Variants in ERC2 observed in about 807,000 individuals in gnomAD.
ERC2 encodes ELKS/RAB6-interacting/CAST family member 2, also known as ERC protein 2.
In ERC2, 42 loss-of-function variants were observed where a neutral mutation model predicts 114.8. The observed-to-expected ratio is 0.37, with a 90% CI of 0.29 to 0.47. The LOEUF is 0.47. ERC2 is among the 20% of genes least tolerant of loss of function. The pLI is 0.99. For synonymous variants in ERC2, 454 were observed against 425.5 expected, an observed-to-expected ratio of 1.07 and a Z score of -0.82; for missense variants, 939 against 1,150.7, an observed-to-expected ratio of 0.82 and a Z score of 2.66.
chr3:55,831,063 T>C (rs1465366809), intron 14 of ERC2, among the ~76,000 whole-genome samples: 1 of 151,152 alleles, frequency 6.6e-6, no homozygotes, highest in Non-Finnish European at 1.5e-5. Context: ...TCCCAGTACT[T>C]TGGGAGGCCA....
intron 12 of ERC2, 127 bp from the exon 13 acceptor site, chr3:55,950,687 G>C: frequency 9.8e-7 from 1 of 1,022,522 alleles, no homozygotes; most frequent in Non-Finnish European, 1.4e-6. Context: ...TGATACTTCT[G>C]AATAATCCAT....
intron 5 of ERC2, among the ~76,000 whole-genome samples, chr3:56,141,285 C>A (rs188847821): frequency 1.5e-4 from 23 of 152,298 alleles, no homozygotes; most frequent in African/African-American, 5.5e-4. Context: ...TCTTCTTGAA[C>A]CTGGGCTGGA....
chr3:56,002,007 G>T (rs908947838), intron 10 of ERC2, among the ~76,000 whole-genome samples: 1 of 152,120 alleles, frequency 6.6e-6, no homozygotes, highest in Non-Finnish European at 1.5e-5. Context: ...TAAGGGAAAA[G>T]AAACTTAAGC....
intron 14 of ERC2, among the ~76,000 whole-genome samples, chr3:55,878,554 C>T (rs775118843): frequency 3.3e-5 from 5 of 152,198 alleles, no homozygotes; most frequent in Non-Finnish European, 7.3e-5. Flanking sequence ...CATTGGAAGA[C>T]TGCACTCAAT....
At chr3:55,684,926 C>A (rs1162160111) in intron 16 of ERC2, among the ~76,000 whole-genome samples, 2 of 152,088 alleles carry the variant, frequency 1.3e-5, no homozygotes, top group African/African-American at 4.8e-5. Flanking sequence ...AAAAAAATAA[C>A]CTGGAACATT....
intron 17 of ERC2, among the ~76,000 whole-genome samples, chr3:55,520,433 C>CAA (rs35883947): frequency 0.49 from 53,848 of 109,174 alleles, 13,289 homozygotes; most frequent in African/African-American, 0.58. Flanking sequence ...GACTCTGTCT[C>CAA]AAAAAAAAAA....
At chr3:56,288,788 T>C (rs1272145799) in intron 3 of ERC2, among the ~76,000 whole-genome samples, 1 of 152,164 alleles carries the variant, frequency 6.6e-6, no homozygotes, top group African/African-American at 2.4e-5. Context: ...AAAGGGAATT[T>C]GTCTCAAACT....
chr3:56,334,198 G>C (rs180674549), intron 2 of ERC2, among the ~76,000 whole-genome samples: 1 of 152,300 alleles, frequency 6.6e-6, no homozygotes, highest in African/African-American at 2.4e-5. Context: ...GTACAAGAAG[G>C]TGCCTGGAGC....
intron 3 of ERC2, among the ~76,000 whole-genome samples, chr3:56,230,402 G>A (rs186794918): frequency 2.0e-5 from 3 of 152,244 alleles, no homozygotes; most frequent in African/African-American, 7.2e-5. Flanking sequence ...CTGCATCCAT[G>A]TATCACCCAT....
chr3:56,033,046 A>AAGAAAAAAGAAAC (rs2074561028), intron 7 of ERC2, among the ~76,000 whole-genome samples: 1 of 95,188 alleles, frequency 1.1e-5, no homozygotes, highest in African/African-American at 3.1e-5. Context: ...GAAAGAAAGA[A>AAGAAAAAAGAAAC]AGAAAGAAAG....
Position 56,435,015 on chromosome 3 carries a change from G to C in ERC2, c.-8C>G. The C allele has an allele frequency of 6.3e-7, 1 of 1,594,818 alleles. No homozygotes were observed. The highest frequency in any genetic ancestry group is 1.1e-5 in the South Asian group (1 of 89,244). On this transcript the variant is annotated 5_prime_UTR_variant, in exon 2 of 18. Transcript: ENST00000288221. ...TCTTGCACTTCCATACATTTTTCTT[G>C]TATTATGAGGTGTTACTGAAGAGAA...
At chr3:55,633,435 ACT>A (rs1247391869) in intron 17 of ERC2, among the ~76,000 whole-genome samples, 2 of 152,038 alleles carry the variant, frequency 1.3e-5, no homozygotes, top group Non-Finnish European at 2.9e-5. Context: ...TTATAAAATA[ACT>A]CTATATCCCT....
At chr3:56,159,128 T>A (rs951202385) in intron 4 of ERC2, among the ~76,000 whole-genome samples, 18 of 152,182 alleles carry the variant, frequency 1.2e-4, no homozygotes, top group African/African-American at 3.9e-4. Context: ...TCTGGCCATC[T>A]GACTGTGACT....
chr3:55,893,871 C>T (rs2063725139), intron 13 of ERC2, among the ~76,000 whole-genome samples: 1 of 152,106 alleles, frequency 6.6e-6, no homozygotes, highest in Admixed American at 6.5e-5. Flanking sequence ...TGCATATGCT[C>T]ATGTGTGTAT....
intron 1 of ERC2, among the ~76,000 whole-genome samples, chr3:56,458,084 C>A (rs984250711): frequency 6.6e-6 from 1 of 152,324 alleles, no homozygotes; most frequent in East Asian, 1.9e-4. Context: ...AGCAAGCATA[C>A]ACTTTTACGA....
intron 14 of ERC2, among the ~76,000 whole-genome samples, chr3:55,817,351 C>A (rs1198385119): frequency 2.0e-5 from 3 of 152,168 alleles, no homozygotes; most frequent in Non-Finnish European, 4.4e-5. Context: ...AATGGCTGAG[C>A]CTTTCCAGCA....
intron 17 of ERC2, among the ~76,000 whole-genome samples, chr3:55,589,657 A>G (rs561615192): frequency 6.6e-6 from 1 of 152,092 alleles, no homozygotes; most frequent in South Asian, 2.1e-4. Context: ...CTCCAGGAAA[A>G]GCAGAACTCG....
At chr3:55,767,176 G>A (rs2067857233) in intron 14 of ERC2, among the ~76,000 whole-genome samples, 1 of 152,206 alleles carries the variant, frequency 6.6e-6, no homozygotes, top group African/African-American at 2.4e-5. Flanking sequence ...TAATTCACTA[G>A]TCATGCAGAT....
intron 13 of ERC2, among the ~76,000 whole-genome samples, chr3:55,941,109 C>T (rs1396391444): frequency 6.6e-6 from 1 of 152,142 alleles, no homozygotes; most frequent in African/African-American, 2.4e-5. Context: ...GACAATTAAA[C>T]AATTCATTGT....
Sources: gnomAD v4.1 joint callset for allele counts (sites outside exome capture counted in the v4.1 genomes callset) on GRCh38, gnomAD v4.1.1 for gene constraint, MANE v1.5 for transcripts, NCBI Gene and HGNC (gene_info 2026-07-23, HGNC 2026-07-21) for gene names.